Variants in PTTG1IP2 observed in about 807,000 individuals in gnomAD.
The protein encoded by PTTG1IP2 is PTTG1IP family member 2.
chr7:90,481,808 A>T (rs964958239), intron 2 of PTTG1IP2, among the ~76,000 whole-genome samples: 1 of 151,856 alleles, frequency 6.6e-6, no homozygotes, highest in Non-Finnish European at 1.5e-5. Context: ...TTTTTTATTC[A>T]TCTTTGTATC....
chr7:90,485,005 T>C (rs1236090431), intron 2 of PTTG1IP2, among the ~76,000 whole-genome samples: 1 of 152,294 alleles, frequency 6.6e-6, no homozygotes, highest in Middle Eastern at 3.4e-3. Context: ...TGGGGTTTTA[T>C]GTCTGGTCCA....
intron 1 of PTTG1IP2, among the ~76,000 whole-genome samples, chr7:90,474,349 T>C (rs964399616): frequency 6.6e-6 from 1 of 152,164 alleles, no homozygotes; most frequent in Admixed American, 6.5e-5. Flanking sequence ...GAGATATATA[T>C]TATGACAGTG....
chr7:90,506,397 T>A (rs1798125442), intron 6 of PTTG1IP2, among the ~76,000 whole-genome samples: 1 of 152,206 alleles, frequency 6.6e-6, no homozygotes, highest in African/African-American at 2.4e-5. Context: ...AGTTTGGTAT[T>A]GAGTGCCATT....
intron 4 of PTTG1IP2, among the ~76,000 whole-genome samples, 196 bp from the exon 5 acceptor site, chr7:90,492,043 A>G (rs1018917355): frequency 3.3e-5 from 5 of 152,120 alleles, no homozygotes; most frequent in Non-Finnish European, 5.9e-5. Context: ...AGGAACAAGA[A>G]TTGCTTGAAC....
At chr7:90,490,553 A>C (rs1797927055) in intron 4 of PTTG1IP2, among the ~76,000 whole-genome samples, 1 of 152,034 alleles carries the variant, frequency 6.6e-6, no homozygotes, top group South Asian at 2.1e-4. Context: ...TTATTAACAT[A>C]CAAAGACAAG....
intron 2 of PTTG1IP2, among the ~76,000 whole-genome samples, chr7:90,481,579 G>A (rs569825535): frequency 2.0e-5 from 3 of 152,120 alleles, no homozygotes; most frequent in Non-Finnish European, 4.4e-5. Flanking sequence ...GAGGCCTTAG[G>A]TATAAACTTC....
intron 4 of PTTG1IP2, among the ~76,000 whole-genome samples, chr7:90,490,808 ATATC>A (rs373435848): frequency 1.6e-3 from 247 of 152,266 alleles, no homozygotes; most frequent in Non-Finnish European, 2.8e-3. Context: ...GCCTGAGCAA[ATATC>A]CATCATTGAA....
At chr7:90,510,471 C>T (rs954959607) in intron 6 of PTTG1IP2, among the ~76,000 whole-genome samples, 4 of 152,166 alleles carry the variant, frequency 2.6e-5, no homozygotes, top group African/African-American at 9.7e-5. Flanking sequence ...ACACCTTTAA[C>T]TCAGCCCTTT....
At chr7:90,472,343 GA>G (rs1236235322) in intron 1 of PTTG1IP2, among the ~76,000 whole-genome samples, 2 of 150,232 alleles carry the variant, frequency 1.3e-5, no homozygotes, top group Admixed American at 1.3e-4. Context: ...TACCCTAGAA[GA>G]GAACACAACT....
At chr7:90,496,156 G>C (rs1797988047) in intron 6 of PTTG1IP2, among the ~76,000 whole-genome samples, 1 of 152,220 alleles carries the variant, frequency 6.6e-6, no homozygotes, top group Non-Finnish European at 1.5e-5. Context: ...TTTCAGGATA[G>C]TACTGGCCTC....
At chr7:90,499,261 T>C (rs1271957127) in intron 6 of PTTG1IP2, among the ~76,000 whole-genome samples, 1 of 152,228 alleles carries the variant, frequency 6.6e-6, no homozygotes, top group Admixed American at 6.5e-5. Context: ...GAAAAGATAA[T>C]GAGTCTAGAG....
At position 90,497,388 on chromosome 7, in the gene PTTG1IP2, C is replaced by T. The variant is rs550124756; in HGVS notation, c.*50+2958C>T. Reference sequence around the variant, plus strand: ...GACCATCCTGGCTAACATGGTGAAACCCCGTCTCTACTAAAAGTACAAAAA... The same window carrying T: ...GACCATCCTGGCTAACATGGTGAAATCCCGTCTCTACTAAAAGTACAAAAA... On this transcript the variant is annotated intron_variant, in intron 6 of 6. Transcript: ENST00000509356. Among the ~76,000 whole-genome samples, 549 of 151,982 alleles carry T rather than the reference C, an allele frequency of 3.6e-3. 2 individuals are homozygous for T. Among genetic ancestry groups the T allele is most frequent in the Middle Eastern group, 0.014 (4 of 294 alleles).
intron 6 of PTTG1IP2, among the ~76,000 whole-genome samples, chr7:90,503,633 G>A (rs1053474867): frequency 2.0e-5 from 3 of 152,226 alleles, no homozygotes; most frequent in Non-Finnish European, 4.4e-5. Context: ...GGAGGCCTGA[G>A]AAGAGAAAGA....
chr7:90,504,360 A>G (rs1798100668), intron 6 of PTTG1IP2, among the ~76,000 whole-genome samples: 1 of 152,054 alleles, frequency 6.6e-6, no homozygotes, highest in African/African-American at 2.4e-5. Flanking sequence ...AGTGGGATAG[A>G]GTAGAAGGTT....
chr7:90,475,609 A>G (rs1174965075), intron 1 of PTTG1IP2, among the ~76,000 whole-genome samples: 1 of 152,242 alleles, frequency 6.6e-6, no homozygotes, highest in African/African-American at 2.4e-5. Flanking sequence ...TTAATGTAAT[A>G]GGAGTTTCAG....
At chr7:90,501,294 T>C (rs539465361) in intron 6 of PTTG1IP2, among the ~76,000 whole-genome samples, 15 of 152,338 alleles carry the variant, frequency 9.8e-5, no homozygotes, top group Non-Finnish European at 1.5e-5. Flanking sequence ...TTCCAGTGCA[T>C]ATAAAAATTA....
At chr7:90,488,731 A>G (rs183885997) in intron 3 of PTTG1IP2, 140 bp from the exon 4 acceptor site, 1 of 152,200 alleles carries the variant, frequency 6.6e-6, no homozygotes, top group East Asian at 1.9e-4. Context: ...TTATTGGAAT[A>G]TGTAATGTAT....
intron 5 of PTTG1IP2, among the ~76,000 whole-genome samples, chr7:90,493,389 T>C (rs11563863): frequency 0.1 from 15,320 of 152,240 alleles, 1,398 homozygotes; most frequent in East Asian, 0.5. Context: ...AAAGCTATTT[T>C]AGGACAGGAG....
At chr7:90,473,911 G>T (rs950497224) in intron 1 of PTTG1IP2, among the ~76,000 whole-genome samples, 2 of 152,214 alleles carry the variant, frequency 1.3e-5, no homozygotes, top group East Asian at 1.9e-4. Flanking sequence ...AATGGTTGTT[G>T]TGAGGATCAA....
Sources: gnomAD v4.1 joint callset for allele counts (sites outside exome capture counted in the v4.1 genomes callset) on GRCh38, gnomAD v4.1.1 for gene constraint, MANE v1.5 for transcripts, NCBI Gene and HGNC (gene_info 2026-07-23, HGNC 2026-07-21) for gene names.